The following GREM2 variants were observed in gnomAD, a reference collection of about 807,000 sequenced individuals.
GREM2 encodes gremlin-2.
GREM2 carries 11 observed loss-of-function variants against 14.2 expected under a neutral mutation model. That is an observed-to-expected ratio of 0.78 (90% CI 0.49 to 1.28). GREM2 has a LOEUF of 1.28. GREM2 is among the 50% of genes most tolerant of loss of function. GREM2 has a pLI of 0.00. For missense variants in GREM2, 210 were observed against 218.5 expected, an observed-to-expected ratio of 0.96 and a Z score of 0.24; for synonymous variants, 98 against 97.6, an observed-to-expected ratio of 1.00 and a Z score of -0.02.
chr1:240,499,255 G>T (rs1299274083), intron 1 of GREM2, among the ~76,000 whole-genome samples: 1 of 152,222 alleles, frequency 6.6e-6, no homozygotes, highest in Non-Finnish European at 1.5e-5. Flanking sequence ...CTAAGCTGAT[G>T]AACTCACTCC....
At chr1:240,596,496 A>G (rs1037691493) in intron 1 of GREM2, among the ~76,000 whole-genome samples, 6 of 152,184 alleles carry the variant, frequency 3.9e-5, no homozygotes, top group Non-Finnish European at 7.3e-5. Context: ...CAGGAGTTTG[A>G]GACCAGCCTA....
At chr1:240,493,794 C>T (rs1039374597) in intron 1 of GREM2, among the ~76,000 whole-genome samples, 3 of 152,128 alleles carry the variant, frequency 2.0e-5, no homozygotes, top group African/African-American at 7.2e-5. Context: ...CCTCCCAAAG[C>T]CCTGGGATCA....
intron 1 of GREM2, among the ~76,000 whole-genome samples, chr1:240,544,048 C>A (rs184053770): frequency 6.6e-6 from 1 of 151,730 alleles, no homozygotes; most frequent in East Asian, 1.9e-4. Flanking sequence ...TGAATCCACA[C>A]GAATGAAGTG....
intron 1 of GREM2, among the ~76,000 whole-genome samples, chr1:240,526,570 C>T (rs1382765623): frequency 1.3e-5 from 2 of 152,186 alleles, no homozygotes; most frequent in African/African-American, 4.8e-5. Flanking sequence ...TCTTCTCTAA[C>T]TTGCCTCTCT....
chr1:240,546,341 TAA>T (rs10610583), intron 1 of GREM2, among the ~76,000 whole-genome samples: 74,231 of 146,198 alleles, frequency 0.51, 20,035 homozygotes, highest in African/African-American at 0.74. Context: ...AGACTCAGTC[TAA>T]AAAAAAAAAA....
intron 1 of GREM2, among the ~76,000 whole-genome samples, chr1:240,497,761 T>C (rs928746614): frequency 1.3e-5 from 2 of 151,974 alleles, no homozygotes; most frequent in Non-Finnish European, 2.9e-5. Context: ...TGAAATGTCA[T>C]ATGAAAATGG....
chr1:240,569,560 A>G (rs888859802), intron 1 of GREM2, among the ~76,000 whole-genome samples: 3 of 152,216 alleles, frequency 2.0e-5, no homozygotes, highest in African/African-American at 7.2e-5. Flanking sequence ...GTAGACAACT[A>G]ATTTTTGACA....
chr1:240,601,151 A>G (rs1408845167), intron 1 of GREM2, among the ~76,000 whole-genome samples: 2 of 152,230 alleles, frequency 1.3e-5, no homozygotes, highest in African/African-American at 4.8e-5. Flanking sequence ...CTGCAAAATA[A>G]TAATAGTTAC....
chr1:240,586,297 A>T (rs1490833640), intron 1 of GREM2, among the ~76,000 whole-genome samples: 3 of 152,220 alleles, frequency 2.0e-5, no homozygotes, highest in Non-Finnish European at 4.4e-5. Context: ...TACTAGCAAA[A>T]GTACAAGTCC....
chr1:240,499,818 A>C (rs532061242), intron 1 of GREM2, among the ~76,000 whole-genome samples: 6 of 143,270 alleles, frequency 4.2e-5, no homozygotes, highest in Non-Finnish European at 9.1e-5. Context: ...ACAGCCACTC[A>C]TTTAGTCTAT....
chr1:240,611,358 A>G (rs1374075535), intron 1 of GREM2, among the ~76,000 whole-genome samples: 2 of 152,106 alleles, frequency 1.3e-5, no homozygotes, highest in African/African-American at 2.4e-5. Flanking sequence ...CTTCAACCAC[A>G]GCGTAGTGAT....
intron 1 of GREM2, among the ~76,000 whole-genome samples, chr1:240,600,920 T>C (rs941606305): frequency 8.5e-5 from 13 of 152,232 alleles, no homozygotes; most frequent in African/African-American, 2.9e-4. Flanking sequence ...AATGGTTTTG[T>C]TTAGAGTGCT....
chr1:240,496,290 C>G (rs1163293539), intron 1 of GREM2, among the ~76,000 whole-genome samples: 1 of 152,168 alleles, frequency 6.6e-6, no homozygotes, highest in African/African-American at 2.4e-5. Context: ...TCCCCTGCAT[C>G]TCACCAGCCT....
chr1:240,569,301 C>A (rs1572403049), intron 1 of GREM2, among the ~76,000 whole-genome samples: 1 of 152,056 alleles, frequency 6.6e-6, no homozygotes, highest in Non-Finnish European at 1.5e-5. Context: ...TGATTTGATT[C>A]AATTTCAGTA....
chr1:240,554,811 C>A (rs1447920916), intron 1 of GREM2, among the ~76,000 whole-genome samples: 5 of 152,166 alleles, frequency 3.3e-5, no homozygotes, highest in Non-Finnish European at 7.3e-5. Flanking sequence ...TCCTCTACTT[C>A]TCCCCATTAG....
chr1:240,585,547 C>T (rs79153578), intron 1 of GREM2, among the ~76,000 whole-genome samples: 68 of 151,654 alleles, frequency 4.5e-4, no homozygotes, highest in Admixed American at 2.6e-4. Context: ...TTGGCCAACA[C>T]GGTGAAACCC....
In GREM2 at chr1:240,507,119, G is replaced by A. The variant is rs1236909498; in HGVS notation, c.-1-13643C>T. Reference sequence around the variant, plus strand: ...TGGCACAAGGAATAAAAGATGTCTGGTAGAACACGGGCCTCAGAAAATTGC... The same window carrying A: ...TGGCACAAGGAATAAAAGATGTCTGATAGAACACGGGCCTCAGAAAATTGC... On this transcript the variant is annotated intron_variant, in intron 1 of 1. Coordinates refer to ENST00000318160, the MANE Select transcript of GREM2 (RefSeq NM_022469.4). Among the ~76,000 whole-genome samples, 12 of 152,330 alleles carry A rather than the reference G, an allele frequency of 7.9e-5. No homozygotes were observed. In the South Asian group the frequency reaches 2.5e-3, roughly 32 times the overall value.
chr1:240,582,676 A>G (rs1028645019), intron 1 of GREM2, among the ~76,000 whole-genome samples: 3 of 151,906 alleles, frequency 2.0e-5, no homozygotes, highest in Non-Finnish European at 4.4e-5. Context: ...GTGCACCTGT[A>G]ATCTCAGCTA....
chr1:240,554,285 C>T (rs996432345), intron 1 of GREM2, among the ~76,000 whole-genome samples: 1 of 151,708 alleles, frequency 6.6e-6, no homozygotes, highest in African/African-American at 2.4e-5. Context: ...GTAGCGGGAG[C>T]CGGTAATCCC....
Sources: gnomAD v4.1 joint callset for allele counts (sites outside exome capture counted in the v4.1 genomes callset) on GRCh38, gnomAD v4.1.1 for gene constraint, MANE v1.5 for transcripts, NCBI Gene and HGNC (gene_info 2026-07-23, HGNC 2026-07-21) for gene names.